The following ONECUT1 variants were observed in gnomAD, a reference collection of about 807,000 sequenced individuals.
ONECUT1 encodes one cut homeobox 1, also known as hepatocyte nuclear factor 6.
ONECUT1 carries 12 observed loss-of-function variants against 25.6 expected under a neutral mutation model. The ratio of observed to expected loss-of-function variants is 0.47; its 90% confidence interval spans 0.30 to 0.76. The LOEUF (loss-of-function observed/expected upper bound fraction) is 0.76. ONECUT1 is among the 30% of genes least tolerant of loss of function. ONECUT1 has a pLI of 0.07. For missense variants in ONECUT1, 620 were observed against 651.2 expected (o/e 0.95, Z 0.52); for synonymous variants, 285 against 270.2 (o/e 1.05, Z -0.54).
chr15:52,766,235 C>CTTA (rs1002304305), intron 1 of ONECUT1, among the ~76,000 whole-genome samples: 1 of 143,218 alleles, frequency 7.0e-6, no homozygotes, highest in African/African-American at 2.6e-5. Flanking sequence ...GGTATTCTTC[C>CTTA]TTTTTTTTTT....
chr15:52,760,265 G>A (rs74012466), intron 1 of ONECUT1, among the ~76,000 whole-genome samples: 1,858 of 152,178 alleles, frequency 0.012, 53 homozygotes, highest in African/African-American at 0.044. Context: ...TCTCCAAATA[G>A]AGTTCTTCCT....
chr15:52,767,360 C>G (rs2083740650), intron 1 of ONECUT1, among the ~76,000 whole-genome samples: 1 of 152,202 alleles, frequency 6.6e-6, no homozygotes. Context: ...TGTCTTCTCT[C>G]CCTTGTTCTG....
chr15:52,782,234 T>C (rs1231216501), intron 1 of ONECUT1, among the ~76,000 whole-genome samples: 1 of 152,188 alleles, frequency 6.6e-6, no homozygotes, highest in African/African-American at 2.4e-5. Flanking sequence ...TACCGTAACA[T>C]CTCTTGGAAG....
In ONECUT1 at chr15:52,789,230, C is replaced by T; in HGVS notation, c.655G>A (p.Glu219Lys). 1 of 1,557,408 alleles carries T rather than the reference C, an allele frequency of 6.4e-7. No individual in the cohort carries two copies. The highest frequency in any genetic ancestry group is 8.7e-7 in the Non-Finnish European group (1 of 1,153,884). The stretch of plus-strand genomic sequence containing the variant: ...CCGAGCATGGCCGGGTGGTGGGCTT[C>T]GAAGCCGTTGGGGGTGAGCATCTTG... Reference protein sequence around the residue: ...TDKMLTPNGFEAHHPAMLGRH... With the variant: ...TDKMLTPNGFKAHHPAMLGRH... The change falls in exon 1 of 2, where the codon GAA becomes AAA. Residue 219 changes from glutamate (E) to lysine (K), a missense_variant. By Grantham distance (56) the Glu-to-Lys change is moderately conservative (BLOSUM62 1). Around this residue, in one of 4 missense-constraint regions of ONECUT1, gnomAD observed 440 missense variants for 404.9 expected, o/e 1.09. Coordinates refer to ENST00000305901, the MANE Select transcript of ONECUT1 (RefSeq NM_004498.4). This position sits in a 1 kb window ranked among gnomAD's most constrained non-coding sequence, Gnocchi z 4.1.
rs2083671567 is a variant in ONECUT1, at chr15:52,755,872, A to G, written c.*1683T>C. Among the ~76,000 whole-genome samples the G allele has an allele frequency of 6.7e-6, 1 of 149,984 alleles. No homozygotes were observed. The highest frequency in any genetic ancestry group is 6.6e-5 in the Admixed American group (1 of 15,226). On this transcript the variant is annotated 3_prime_UTR_variant, in exon 2 of 2. Coordinates refer to ENST00000305901, the MANE Select transcript of ONECUT1 (RefSeq NM_004498.4). ...CAAGTGATTCACTGGGGTACCACTA[A>G]TACGACTTCATTTTTTTTTTGACTT...
At position 52,789,142 on chromosome 15, in the gene ONECUT1, G is replaced by A. The variant is rs774069196; in HGVS notation, c.743C>T (p.Pro248Leu). 6.3e-7 allele frequency: 1 copy of A among 1,598,418 alleles called. No homozygotes were observed. The highest frequency in any genetic ancestry group is 8.5e-7 in the Non-Finnish European group (1 of 1,177,902). ...SAGMVPINGL[P>L]PHHPHAHLNA... ...CAGGTGGGCGTGGGGATGGTGCGGA[G>A]GAAGGCCGTTGATGGGCACCATGCC... The change falls in exon 1 of 2, where the codon CCT (proline) becomes CTT (leucine). Residue 248 changes from proline (P) to leucine (L), a missense_variant. By Grantham distance (98) the Pro-to-Leu change is moderately conservative (BLOSUM62 -3). Around this residue, in one of 4 missense-constraint regions of ONECUT1, gnomAD observed 440 missense variants for 404.9 expected, o/e 1.09. Coordinates refer to ENST00000305901, the MANE Select transcript of ONECUT1 (RefSeq NM_004498.4). This position sits in a 1 kb window ranked among gnomAD's most constrained non-coding sequence, Gnocchi z 4.1.
intron 1 of ONECUT1, among the ~76,000 whole-genome samples, chr15:52,767,236 C>A (rs2083740045): frequency 6.6e-6 from 1 of 152,154 alleles, no homozygotes; most frequent in Non-Finnish European, 1.5e-5. Flanking sequence ...CGCTCCTCTG[C>A]AGGCACAGAC....
chr15:52,780,669 A>G, intron 1 of ONECUT1: 1 of 1,533,764 alleles, frequency 6.5e-7, no homozygotes, highest in Non-Finnish European at 8.7e-7. Flanking sequence ...CTTCAGTCGC[A>G]GAATCTGCAG....
intron 1 of ONECUT1, among the ~76,000 whole-genome samples, chr15:52,786,424 G>C (rs888516819): frequency 7.9e-5 from 12 of 152,216 alleles, no homozygotes; most frequent in African/African-American, 2.9e-4. Context: ...CACAGAGTCG[G>C]CTTGGTGTTT....
chr15:52,759,039 C>T (rs868790840), intron 1 of ONECUT1, among the ~76,000 whole-genome samples: 1 of 152,202 alleles, frequency 6.6e-6, no homozygotes, highest in African/African-American at 2.4e-5. Flanking sequence ...TGCCTCTTAG[C>T]CCCCTATGTA....
intron 1 of ONECUT1, among the ~76,000 whole-genome samples, chr15:52,766,991 G>T (rs558015668): frequency 6.6e-6 from 1 of 152,196 alleles, no homozygotes; most frequent in Non-Finnish European, 1.5e-5. Context: ...GGCCTGGGAG[G>T]GGTGGACAGC....
intron 1 of ONECUT1, among the ~76,000 whole-genome samples, chr15:52,786,566 C>T (rs2083876094): frequency 6.6e-6 from 1 of 152,256 alleles, no homozygotes; most frequent in Admixed American, 6.5e-5. Context: ...CCTTCGATAG[C>T]CTCCTGGGTG....
intron 1 of ONECUT1, among the ~76,000 whole-genome samples, chr15:52,764,466 A>C (rs1353459865): frequency 6.6e-6 from 1 of 152,202 alleles, no homozygotes; most frequent in Non-Finnish European, 1.5e-5. Flanking sequence ...AAGCTCAAAG[A>C]AGGTGAAGGA....
At chr15:52,765,732 G>A (rs72740268) in intron 1 of ONECUT1, among the ~76,000 whole-genome samples, 14,237 of 152,170 alleles carry the variant, frequency 0.094, 892 homozygotes, top group East Asian at 0.32. Context: ...GACTCCAGGA[G>A]TCCTAGGTCA....
chr15:52,771,101 G>A (rs892405967), intron 1 of ONECUT1, among the ~76,000 whole-genome samples: 1 of 152,074 alleles, frequency 6.6e-6, no homozygotes, highest in Non-Finnish European at 1.5e-5. Context: ...ATTCAGGCAA[G>A]TGCTCAAAAA....
intron 1 of ONECUT1, chr15:52,781,020 G>A: frequency 2.2e-6 from 1 of 451,026 alleles, no homozygotes; most frequent in Non-Finnish European, 3.0e-6. Context: ...TTACTTTTTA[G>A]TGCAGAGCCC....
At chr15:52,761,385 G>T (rs193156492) in intron 1 of ONECUT1, among the ~76,000 whole-genome samples, 1 of 152,118 alleles carries the variant, frequency 6.6e-6, no homozygotes, top group East Asian at 1.9e-4. Context: ...GAAAACCACC[G>T]TAGGGCCAGG....
rs2083860451 is a variant in ONECUT1 at position 52,784,377 on chromosome 15, A to G, written c.1105+4403T>C. Among the ~76,000 whole-genome samples, 1 of 152,190 alleles carries G rather than the reference A, an allele frequency of 6.6e-6. No homozygotes were observed. The highest frequency in any genetic ancestry group is 6.5e-5 in the Admixed American group (1 of 15,290). ...CCTCTCCGGATGCTTCCAGGGCGAT[A>G]GGTGCTGCACCCATTGACGGGATAG... On this transcript the variant is annotated intron_variant, in intron 1 of 1. Coordinates refer to ENST00000305901, the MANE Select transcript of ONECUT1 (RefSeq NM_004498.4). This position sits in a 1 kb window ranked among gnomAD's most constrained non-coding sequence, Gnocchi z 5.0.
At chr15:52,767,915 C>T (rs927446922) in intron 1 of ONECUT1, among the ~76,000 whole-genome samples, 11 of 152,088 alleles carry the variant, frequency 7.2e-5, no homozygotes, top group Admixed American at 3.9e-4. Context: ...GACGGTATTA[C>T]GTTCAGTGAA....
Sources: gnomAD v4.1 joint callset for allele counts (sites outside exome capture counted in the v4.1 genomes callset) on GRCh38, gnomAD v4.1.1 for gene constraint, gnomAD v4.1.1 regional missense constraint, Gnocchi (gnomAD v3.1) non-coding constraint, MANE v1.5 for transcripts, NCBI Gene and HGNC (gene_info 2026-07-23, HGNC 2026-07-21) for gene names.